Variants in TRPS1 observed in about 807,000 individuals in gnomAD.
TRPS1 encodes zinc finger transcription factor Trps1.
A neutral mutation model predicts 101.2 loss-of-function variants in TRPS1; 6 were observed. The ratio of observed to expected loss-of-function variants is 0.06; its 90% CI spans 0.03 to 0.12. The LOEUF (loss-of-function observed/expected upper bound fraction) is 0.12, where lower values mean the gene tolerates loss of function less well. Ranked by LOEUF, TRPS1 falls within the 10% of genes least tolerant of loss-of-function variation. The pLI is 1.00. For synonymous variants in TRPS1, 578 were observed against 589.8 expected, an observed-to-expected ratio of 0.98 and a Z score of 0.29; for missense variants, 1,363 against 1,567.0, an observed-to-expected ratio of 0.87 and a Z score of 2.20.
At chr8:115,623,123 T>C (rs1412868341) in intron 2 of TRPS1, among the ~76,000 whole-genome samples, 2 of 152,060 alleles carry the variant, frequency 1.3e-5, no homozygotes, top group African/African-American at 2.4e-5. Context: ...CAGTTCCTTC[T>C]TCTACCCAAG....
At chr8:115,621,911 C>T (rs1040363389) in intron 2 of TRPS1, among the ~76,000 whole-genome samples, 4 of 145,224 alleles carry the variant, frequency 2.8e-5, no homozygotes, top group East Asian at 3.9e-4. Context: ...AGTGAAACTC[C>T]ATCTCAAAAA....
chr8:115,526,707 T>C (rs775225973), intron 5 of TRPS1, among the ~76,000 whole-genome samples: 21 of 152,158 alleles, frequency 1.4e-4, no homozygotes. Flanking sequence ...TCTAGTACAT[T>C]AGAAAAGGGA....
chr8:115,485,431 C>T (rs1378113566), intron 5 of TRPS1, among the ~76,000 whole-genome samples: 1 of 152,188 alleles, frequency 6.6e-6, no homozygotes, highest in Non-Finnish European at 1.5e-5. Context: ...TGCCCAGTCT[C>T]CTGCCCTACA....
At chr8:115,466,822 T>C (rs1358660273) in intron 5 of TRPS1, among the ~76,000 whole-genome samples, 14 of 152,156 alleles carry the variant, frequency 9.2e-5, no homozygotes. Context: ...ACTTTCATAA[T>C]ATTTTGACAG....
chr8:115,467,304 G>A (rs1408572355), intron 5 of TRPS1, among the ~76,000 whole-genome samples: 1 of 151,956 alleles, frequency 6.6e-6, no homozygotes, highest in Non-Finnish European at 1.5e-5. Flanking sequence ...AGTGGCAAAT[G>A]TAAGCTTTAT....
At chr8:115,660,729 T>A (rs1388914635) in intron 1 of TRPS1, among the ~76,000 whole-genome samples, 1 of 152,010 alleles carries the variant, frequency 6.6e-6, no homozygotes, top group East Asian at 1.9e-4. Flanking sequence ...TCATGTTAAA[T>A]AAATTTAATA....
chr8:115,624,742 G>C (rs1222240745), intron 1 of TRPS1, among the ~76,000 whole-genome samples: 2 of 151,696 alleles, frequency 1.3e-5, no homozygotes, highest in Non-Finnish European at 3.0e-5. Context: ...TTATGCAGTA[G>C]AAATAATCAG....
In TRPS1 at chr8:115,474,203, C is replaced by A. The variant is rs1312467464; in HGVS notation, c.2701-55751G>T. On this transcript the variant is annotated intron_variant, in intron 5 of 6. Coordinates refer to ENST00000395715, the MANE Select transcript of TRPS1 (RefSeq NM_014112.5). ...AGCATTTAAATGAATAATTTTAGAT[C>A]ATTTTAATAATCTGATAATGTGAAG... Among the ~76,000 whole-genome samples the A allele has an allele frequency of 2.6e-5, 4 of 152,038 alleles. No individual in the cohort carries two copies. The East Asian group carries it at 7.7e-4, about 29-fold the overall frequency.
intron 5 of TRPS1, among the ~76,000 whole-genome samples, chr8:115,572,691 T>A (rs1187447547): frequency 2.0e-5 from 3 of 152,170 alleles, no homozygotes; most frequent in Non-Finnish European, 4.4e-5. Flanking sequence ...TCATTCCAAC[T>A]CCTCTATTCC....
intron 5 of TRPS1, among the ~76,000 whole-genome samples, chr8:115,578,641 T>A (rs1817375372): frequency 6.6e-6 from 1 of 151,910 alleles, no homozygotes; most frequent in African/African-American, 2.4e-5. Flanking sequence ...AAAAGAAAAT[T>A]ATAAAACAGG....
intron 5 of TRPS1, among the ~76,000 whole-genome samples, chr8:115,420,199 G>A (rs1813019014): frequency 6.6e-6 from 1 of 152,106 alleles, no homozygotes. Flanking sequence ...GAGTTTCTAA[G>A]TCTCAATAAC....
intron 5 of TRPS1, among the ~76,000 whole-genome samples, chr8:115,586,243 G>A (rs1274741582): frequency 6.6e-6 from 1 of 152,194 alleles, no homozygotes; most frequent in African/African-American, 2.4e-5. Context: ...CTTATTGGGA[G>A]CTCATGAATT....
At position 115,619,421 on chromosome 8, in the gene TRPS1, G is replaced by A. The variant is rs1563648296; in HGVS notation, c.677C>T (p.Ala226Val). Residue 226 changes from alanine to valine, a missense_variant, in exon 3 of 7, where the codon GCA becomes GTA. Coordinates refer to ENST00000395715, the MANE Select transcript of TRPS1 (RefSeq NM_014112.5). ...GTCCTGAAGCTCTGGAGACAGAGGT[G>A]CCGGGTCTGGGTTGTCATTCACCAG... is the stretch of plus-strand genomic sequence containing the variant. ...DLLVNDNPDP[A>V]PLSPELQDFK... is the part of the protein sequence containing the mutation. 1.9e-6 allele frequency: 3 copies of A among 1,614,200 alleles called. No individual in the cohort carries two copies. Among genetic ancestry groups the A allele is most frequent in the Non-Finnish European group, 2.5e-6 (3 of 1,180,026 alleles).
intron 1 of TRPS1, chr8:115,668,047 G>C (rs1811971434): frequency 1.4e-6 from 1 of 728,664 alleles, no homozygotes; most frequent in Middle Eastern, 3.4e-4. Context: ...GAGTGGGGCT[G>C]CGAGGGGGAG....
chr8:115,609,525 G>A (rs928738344), intron 3 of TRPS1, among the ~76,000 whole-genome samples: 7 of 152,088 alleles, frequency 4.6e-5, no homozygotes, highest in Non-Finnish European at 7.4e-5. Context: ...GTCTCACCAA[G>A]GCCCCTGAGT....
In TRPS1 at chr8:115,535,354, A is replaced by G. The variant is rs184245038; in HGVS notation, c.2700+51647T>C. Among the ~76,000 whole-genome samples the G allele has an allele frequency of 4.2e-3, 528 of 125,132 alleles. 7 individuals are homozygous for G. The highest frequency in any genetic ancestry group is 0.018 in the African/African-American group (498 of 27,602). The allele number at this position is 125,132 out of a possible 152,430, so 82.1% of individuals were successfully genotyped here. On this transcript the variant is annotated intron_variant, in intron 5 of 6. Transcript: ENST00000395715. Reference sequence around the variant, plus strand: ...TATATAGCGCATATATATAGCATATACATAGCACATATATATAGCATATAT... The same window carrying G: ...TATATAGCGCATATATATAGCATATGCATAGCACATATATATAGCATATAT...
chr8:115,421,518 A>G (rs1338943666), intron 5 of TRPS1, among the ~76,000 whole-genome samples: 1 of 152,174 alleles, frequency 6.6e-6, no homozygotes, highest in African/African-American at 2.4e-5. Flanking sequence ...AAATATGAGA[A>G]TGGAAAGTTG....
At chr8:115,541,403 T>A (rs776301206) in intron 5 of TRPS1, among the ~76,000 whole-genome samples, 1 of 152,194 alleles carries the variant, frequency 6.6e-6, no homozygotes, top group Admixed American at 6.5e-5. Flanking sequence ...AAACTATAGC[T>A]ATTCTTTATT....
chr8:115,435,514 C>T (rs193180627), intron 5 of TRPS1, among the ~76,000 whole-genome samples: 3 of 151,970 alleles, frequency 2.0e-5, no homozygotes, highest in African/African-American at 7.2e-5. Flanking sequence ...GTGGGGTACT[C>T]GGGGCTGGCA....
Sources: gnomAD v4.1 joint callset for allele counts (sites outside exome capture counted in the v4.1 genomes callset) on GRCh38, gnomAD v4.1.1 for gene constraint, MANE v1.5 for transcripts, NCBI Gene and HGNC (gene_info 2026-07-23, HGNC 2026-07-21) for gene names.